Variants in PCMT1 observed in about 807,000 individuals in gnomAD.
PCMT1 encodes protein-L-isoaspartate (D-aspartate) O-methyltransferase, also known as protein-L-isoaspartate(D-aspartate) O-methyltransferase.
Under a neutral mutation model 29.2 loss-of-function variants are expected in PCMT1, and 9 were observed. The observed-to-expected ratio is 0.31, with a 90% CI of 0.19 to 0.54. The LOEUF is 0.54. PCMT1 is among the 20% of genes least tolerant of loss of function. The probability of loss-of-function intolerance (pLI) is 0.95; values close to 1 mark genes in which losing one functional copy is unlikely to be tolerated. For synonymous variants in PCMT1, 98 were observed against 97.5 expected (o/e 1.00, Z -0.03); for missense variants, 184 against 282.2 (o/e 0.65, Z 2.49).
intron 7 of PCMT1, among the ~76,000 whole-genome samples, chr6:149,804,768 C>CT (rs1432442433): frequency 6.6e-6 from 1 of 152,006 alleles, no homozygotes; most frequent in Non-Finnish European, 1.5e-5. Context: ...TCCCAAAGTG[C>CT]TAGGATTACA....
chr6:149,777,969 C>T (rs1309599096), intron 3 of PCMT1, among the ~76,000 whole-genome samples: 7 of 149,220 alleles, frequency 4.7e-5, no homozygotes, highest in African/African-American at 9.9e-5. Context: ...CTCTGCCTCC[C>T]GGATTCAAGT....
chr6:149,780,844 T>C (rs977215496), intron 3 of PCMT1, among the ~76,000 whole-genome samples: 6 of 152,172 alleles, frequency 3.9e-5, no homozygotes, highest in Admixed American at 2.0e-4. Context: ...GTGTTTTCAT[T>C]TCTCTCGAGT....
intron 3 of PCMT1, among the ~76,000 whole-genome samples, chr6:149,788,378 G>A (rs1788213798): frequency 6.6e-6 from 1 of 152,168 alleles, no homozygotes; most frequent in Admixed American, 6.6e-5. Context: ...GAAAATAGTA[G>A]ATTGTGAGTT....
intron 1 of PCMT1, among the ~76,000 whole-genome samples, chr6:149,768,208 C>A (rs773560131): frequency 2.6e-5 from 4 of 151,932 alleles, no homozygotes; most frequent in Non-Finnish European, 5.9e-5. Context: ...CCTGCCACCT[C>A]AGCCTCCAAG....
chr6:149,764,554 T>G (rs905127170), intron 1 of PCMT1, among the ~76,000 whole-genome samples: 1 of 151,828 alleles, frequency 6.6e-6, no homozygotes, highest in South Asian at 2.1e-4. Context: ...CTGGGCAACA[T>G]GGCAAGACCC....
chr6:149,763,273 A>AATATCTATGATATCTATGATATAT lies in PCMT1; in HGVS notation c.56-7875_56-7852dup, dbSNP rs1786937252. On this transcript the variant is annotated intron_variant, in intron 1 of 7. Coordinates refer to ENST00000464889, the MANE Select transcript of PCMT1 (RefSeq NM_001360452.2). Reference sequence around the variant, plus strand: ...ATATATCTATGATATCTATGATATAAATATCTATGATATCTATGATATATA... The same window carrying AATATCTATGATATCTATGATATAT: ...ATATATCTATGATATCTATGATATAAATATCTATGATATCTATGATATATATATCTATGATATCTATGATATATA... Among the ~76,000 whole-genome samples the AATATCTATGATATCTATGATATAT allele has an allele frequency of 3.7e-5, 2 of 54,644 alleles. 1 individual carries two copies. Among genetic ancestry groups the AATATCTATGATATCTATGATATAT allele is most frequent in the Non-Finnish European group, 5.5e-5 (2 of 36,388 alleles). The allele number at this position is 54,644 out of a possible 152,430, so 35.8% of individuals were successfully genotyped here. A position where few individuals can be genotyped will look rare whatever the true frequency, so the allele number is the denominator to read the frequency against.
intron 3 of PCMT1, among the ~76,000 whole-genome samples, chr6:149,776,003 T>TA (rs1374628446): frequency 7.9e-5 from 12 of 151,748 alleles, no homozygotes; most frequent in African/African-American, 2.9e-4. Flanking sequence ...CTACTAAAAA[T>TA]ACAAAATTAG....
At chr6:149,754,711 G>A (rs1432883403) in intron 1 of PCMT1, among the ~76,000 whole-genome samples, 2 of 152,116 alleles carry the variant, frequency 1.3e-5, no homozygotes, top group Non-Finnish European at 2.9e-5. Context: ...AGTAGCGTGA[G>A]GAACTCTCTG....
At chr6:149,790,300 G>A (rs1788305733) in intron 4 of PCMT1, among the ~76,000 whole-genome samples, 1 of 152,138 alleles carries the variant, frequency 6.6e-6, no homozygotes, top group African/African-American at 2.4e-5. Context: ...GGTGTATACG[G>A]TCTGTTGTGT....
intron 7 of PCMT1, among the ~76,000 whole-genome samples, chr6:149,803,059 A>C (rs1775892599): frequency 5.0e-5 from 2 of 40,146 alleles, no homozygotes; most frequent in African/African-American, 4.3e-4. Context: ...TCTCAAAAAA[A>C]AAAAAAAAAA....
intron 1 of PCMT1, among the ~76,000 whole-genome samples, chr6:149,762,552 TATATATATCTATGATATATATATCTATG>T (rs1786798184): frequency 3.5e-5 from 3 of 86,330 alleles, no homozygotes; most frequent in African/African-American, 5.8e-5. Flanking sequence ...ATCTATGATA[TATATATATCTATGATATATATATCTATG>T]ATATATATAT....
intron 3 of PCMT1, among the ~76,000 whole-genome samples, chr6:149,789,326 T>C (rs1788257885): frequency 6.6e-6 from 1 of 152,056 alleles, no homozygotes; most frequent in Non-Finnish European, 1.5e-5. Context: ...TCTACCTGCC[T>C]CAGCCTCCCA....
At chr6:149,755,539 CTACTG>C (rs1322853843) in intron 1 of PCMT1, among the ~76,000 whole-genome samples, 3 of 152,066 alleles carry the variant, frequency 2.0e-5, no homozygotes, top group Middle Eastern at 3.2e-3. Flanking sequence ...TAAAGGGAAA[CTACTG>C]TACTGACCAC....
intron 7 of PCMT1, among the ~76,000 whole-genome samples, chr6:149,806,838 C>G (rs1433530056): frequency 6.6e-6 from 1 of 152,138 alleles, no homozygotes; most frequent in Non-Finnish European, 1.5e-5. Flanking sequence ...GCGTTCCACC[C>G]ACCTCAGCCT....
At chr6:149,758,773 T>C (rs891663363) in intron 1 of PCMT1, among the ~76,000 whole-genome samples, 48 of 152,244 alleles carry the variant, frequency 3.2e-4, no homozygotes, top group African/African-American at 1.1e-3. Flanking sequence ...TCCCCATTGA[T>C]TGGCAGAGGA....
At chr6:149,763,039 C>CTATGATATATATATCTATGATATA (rs1786893900) in intron 1 of PCMT1, among the ~76,000 whole-genome samples, 1 of 44,330 alleles carries the variant, frequency 2.3e-5, no homozygotes, top group Non-Finnish European at 3.2e-5. Flanking sequence ...TCTATGATAT[C>CTATGATATATATATCTATGATATA]TATGATATGT....
chr6:149,791,467 A>C (rs939717045), intron 4 of PCMT1, among the ~76,000 whole-genome samples: 4 of 152,216 alleles, frequency 2.6e-5, no homozygotes, highest in Admixed American at 6.5e-5. Flanking sequence ...GTTTGATTTG[A>C]GAAATATCGT....
At chr6:149,778,165 C>T (rs1291841642) in intron 3 of PCMT1, among the ~76,000 whole-genome samples, 8 of 151,814 alleles carry the variant, frequency 5.3e-5, no homozygotes, top group Non-Finnish European at 8.8e-5. Flanking sequence ...GCTTGAGCCA[C>T]TGTGTCTGGC....
rs189106633 is a variant in PCMT1 at position 149,787,389 on chromosome 6, C to T, written c.193-2565C>T. Among the ~76,000 whole-genome samples the T allele has an allele frequency of 1.9e-3, 278 of 148,368 alleles. 1 individual carries two copies. Among genetic ancestry groups the T allele is most frequent in the African/African-American group, 6.6e-3 (264 of 39,984 alleles). ...TTATAATTTTTTTTTTTTTTTGAGA[C>T]GGAATCTCGCTCTGTCACCCAGGCT... On this transcript the variant is annotated intron_variant, in intron 3 of 7. Coordinates refer to ENST00000464889, the MANE Select transcript of PCMT1 (RefSeq NM_001360452.2).
Sources: allele counts gnomAD v4.1 joint callset (sites outside exome capture counted in the v4.1 genomes callset), GRCh38; gene constraint gnomAD v4.1.1; transcripts MANE v1.5; gene names NCBI Gene and HGNC (gene_info 2026-07-23, HGNC 2026-07-21).